PRIM2: variants seen among roughly 807,000 people sequenced by gnomAD.
The protein encoded by PRIM2 is DNA primase large subunit.
PRIM2 carries 39 observed loss-of-function variants against 67.3 expected under a neutral mutation model. The ratio of observed to expected loss-of-function variants is 0.58; its 90% confidence interval spans 0.45 to 0.76. The LOEUF (loss-of-function observed/expected upper bound fraction) is 0.76, where lower values mean the gene tolerates loss of function less well. PRIM2 is among the 30% of genes least tolerant of loss of function. The pLI, the probability that PRIM2 is intolerant of heterozygous loss-of-function variation, is 0.00. For missense variants in PRIM2, 398 were observed against 598.7 expected (o/e 0.66, Z 3.50); for synonymous variants, 143 against 198.7 (o/e 0.72, Z 2.36).
chr6:57,273,185 T>C, the PRIM2 span, among the ~76,000 whole-genome samples: 1 of 152,212 alleles, frequency 6.6e-6, no homozygotes, highest in Non-Finnish European at 1.5e-5. Context: ...CCTTGCTAGA[T>C]TGGGGAAGTT....
intron 5 of PRIM2, among the ~76,000 whole-genome samples, chr6:57,336,092 T>C (rs1768235971): frequency 6.6e-6 from 1 of 152,026 alleles, no homozygotes; most frequent in African/African-American, 2.4e-5. Flanking sequence ...TGCGATCAAC[T>C]GGAAGAAAAG....
rs1442028935 is a variant in PRIM2, at chr6:57,605,746, AT to A, written c.1148-626del. 3.3e-5 allele frequency among the ~76,000 whole-genome samples: 5 copies of A among 152,292 alleles called. No individual in the cohort carries two copies. The East Asian group carries it at 9.6e-4, about 29-fold the overall frequency. ...CTTCTGTATTCTTATTTATGTGAAT[AT>A]TTCTAGTGGTCTTTCATTTTTTTCA... On this transcript the variant is annotated intron_variant, in intron 11 of 13. Transcript: ENST00000615550.
At chr6:57,445,812 C>T (rs1443113961) in intron 7 of PRIM2, among the ~76,000 whole-genome samples, 1 of 152,042 alleles carries the variant, frequency 6.6e-6, no homozygotes, top group Non-Finnish European at 1.5e-5. Flanking sequence ...TAGAATTGGT[C>T]CTGGTTACTA....
chr6:57,602,290 A>G (rs1232516004), intron 11 of PRIM2, among the ~76,000 whole-genome samples: 1 of 152,122 alleles, frequency 6.6e-6, no homozygotes, highest in Non-Finnish European at 1.5e-5. Context: ...GCCTCAGGTG[A>G]TCTGCTCGCC....
chr6:57,242,926 T>G, the PRIM2 span, among the ~76,000 whole-genome samples: 1 of 152,220 alleles, frequency 6.6e-6, no homozygotes, highest in African/African-American at 2.4e-5. Flanking sequence ...TTAAATATCT[T>G]TTGTGAATTT....
At chr6:57,571,906 A>AT (rs1255559083) in intron 10 of PRIM2, among the ~76,000 whole-genome samples, 1 of 152,202 alleles carries the variant, frequency 6.6e-6, no homozygotes, top group Non-Finnish European at 1.5e-5. Context: ...AGCTGTCTTG[A>AT]TTCATGTAAA....
At chr6:57,357,541 A>G (rs1449399070) in intron 5 of PRIM2, among the ~76,000 whole-genome samples, 5 of 150,352 alleles carry the variant, frequency 3.3e-5, no homozygotes, top group East Asian at 2.0e-4. Flanking sequence ...CAGCTTAAAC[A>G]GTTTTCTTTC....
intron 7 of PRIM2, among the ~76,000 whole-genome samples, chr6:57,466,033 C>T (rs1306922148): frequency 3.3e-5 from 5 of 151,644 alleles, no homozygotes; most frequent in Middle Eastern, 3.4e-3. Flanking sequence ...CATGTGTTCT[C>T]GTTGTTCAGT....
chr6:57,382,233 T>C (rs775899945), intron 7 of PRIM2, 65 bp downstream of exon 7: 2 of 1,515,234 alleles, frequency 1.3e-6, no homozygotes, highest in Non-Finnish European at 9.0e-7. Flanking sequence ...CCCCTGGTAG[T>C]TTTATTCTGT....
At chr6:57,404,688 T>C (rs865806255) in intron 7 of PRIM2, among the ~76,000 whole-genome samples, 1 of 152,148 alleles carries the variant, frequency 6.6e-6, no homozygotes, top group South Asian at 2.1e-4. Context: ...TTCTCTGCAG[T>C]ATGTAAGATG....
At chr6:57,239,873 C>T in the PRIM2 span, among the ~76,000 whole-genome samples, 1 of 152,262 alleles carries the variant, frequency 6.6e-6, no homozygotes, top group Admixed American at 6.5e-5. Flanking sequence ...GAATTTTGGG[C>T]TGCTTCAAAT....
the PRIM2 span, among the ~76,000 whole-genome samples, chr6:57,289,963 C>T: frequency 6.6e-6 from 1 of 151,948 alleles, no homozygotes; most frequent in African/African-American, 2.4e-5. Context: ...CAATATTAAC[C>T]TTAAATGTAA....
intron 7 of PRIM2, among the ~76,000 whole-genome samples, chr6:57,404,448 TG>T (rs1479372862): frequency 7.8e-6 from 1 of 128,558 alleles, no homozygotes; most frequent in Non-Finnish European, 1.6e-5. Flanking sequence ...GAGAGCTGCA[TG>T]TTTGCATACT....
intron 5 of PRIM2, among the ~76,000 whole-genome samples, chr6:57,379,660 G>A (rs1457527647): frequency 2.0e-5 from 3 of 151,704 alleles, no homozygotes; most frequent in South Asian, 2.1e-4. Context: ...CTGTTCTTTT[G>A]ATGTATACCT....
chr6:57,576,039 A>G (rs1399030695), intron 10 of PRIM2, among the ~76,000 whole-genome samples: 10 of 152,136 alleles, frequency 6.6e-5, no homozygotes, highest in Non-Finnish European at 1.2e-4. Flanking sequence ...CAGCCTCCCA[A>G]AGTGCTGGGA....
chr6:57,368,903 C>T (rs1769455985), intron 5 of PRIM2, among the ~76,000 whole-genome samples: 2 of 152,156 alleles, frequency 1.3e-5, no homozygotes, highest in African/African-American at 2.4e-5. Flanking sequence ...TGCTGTGTGT[C>T]ATTTTGTCCC....
intron 10 of PRIM2, among the ~76,000 whole-genome samples, chr6:57,568,960 C>T (rs1162038002): frequency 6.6e-5 from 10 of 152,136 alleles, no homozygotes; most frequent in Admixed American, 1.3e-4. Flanking sequence ...TTTTTGGTGA[C>T]GATCAAGACT....
chr6:57,614,129 A>T (rs1328921625), intron 12 of PRIM2, among the ~76,000 whole-genome samples: 1 of 152,100 alleles, frequency 6.6e-6, no homozygotes, highest in African/African-American at 2.4e-5. Flanking sequence ...CCTGAGCCCC[A>T]CCTCCTGTCA....
At chr6:57,362,519 G>A (rs1038358106) in intron 5 of PRIM2, among the ~76,000 whole-genome samples, 4 of 151,872 alleles carry the variant, frequency 2.6e-5, no homozygotes, top group Admixed American at 1.3e-4. Context: ...GGAAGACTTC[G>A]GTTATCATTA....
Sources: gnomAD v4.1 joint callset for allele counts (sites outside exome capture counted in the v4.1 genomes callset) on GRCh38, gnomAD v4.1.1 for gene constraint, MANE v1.5 for transcripts, NCBI Gene and HGNC (gene_info 2026-07-23, HGNC 2026-07-21) for gene names.